Variants in TTC3 observed in about 807,000 individuals in gnomAD.
TTC3 encodes tetratricopeptide repeat domain 3.
Under a neutral mutation model 249.6 loss-of-function variants are expected in TTC3, and 180 were observed. The observed-to-expected ratio is 0.72, with a 90% CI of 0.64 to 0.82. The LOEUF (loss-of-function observed/expected upper bound fraction) is 0.82. Ranked by LOEUF, TTC3 falls within the 40% of genes least tolerant of loss-of-function variation. TTC3 has a pLI of 0.00. For missense variants in TTC3, 2,061 were observed against 2,398.4 expected, an observed-to-expected ratio of 0.86 and a Z score of 2.94; for synonymous variants, 717 against 805.0, an observed-to-expected ratio of 0.89 and a Z score of 1.85.
At chr21:37,165,475 A>G in intron 32 of TTC3, 75 bp from the exon 33 acceptor site, 1 of 1,139,590 alleles carries the variant, frequency 8.8e-7, no homozygotes, top group Non-Finnish European at 1.3e-6. Flanking sequence ...CTTTGGGAGA[A>G]TAAAAGTTTT....
intron 1 of TTC3, among the ~76,000 whole-genome samples, chr21:37,080,455 C>T (rs1476503721): frequency 6.6e-6 from 1 of 150,870 alleles, no homozygotes; most frequent in Admixed American, 6.6e-5. Context: ...AGTATATATT[C>T]TGTAATTGTT....
intron 35 of TTC3, among the ~76,000 whole-genome samples, chr21:37,182,021 A>C (rs1217026816): frequency 1.3e-5 from 2 of 152,196 alleles, no homozygotes; most frequent in Non-Finnish European, 2.9e-5. Flanking sequence ...AAACTAGAAA[A>C]TATTTGTTTC....
At chr21:37,160,135 G>A (rs908028418) in intron 29 of TTC3, among the ~76,000 whole-genome samples, 3 of 151,984 alleles carry the variant, frequency 2.0e-5, no homozygotes, top group African/African-American at 7.3e-5. Flanking sequence ...TCTAAATTAC[G>A]TTTAAGTTAA....
chr21:37,175,207 C>T lies in TTC3; in HGVS notation c.4617+2463C>T, dbSNP rs546072993. Among the ~76,000 whole-genome samples the T allele has an allele frequency of 5.6e-3, 787 of 139,678 alleles. 5 individuals carry two copies. The highest frequency in any genetic ancestry group is 9.8e-3 in the Non-Finnish European group (643 of 65,496). 91.6% of individuals were successfully genotyped at this position (139,678 alleles called of 152,430 possible). ...TGAACCCGGGAGGCGGAGCTTGCACCGAGCCGAGATCACGCCACTGCACTC... is the reference window on the plus strand; with the variant it reads ...TGAACCCGGGAGGCGGAGCTTGCACTGAGCCGAGATCACGCCACTGCACTC... On this transcript the variant is annotated intron_variant, in intron 35 of 45. Coordinates refer to ENST00000355666, the Ensembl canonical transcript of TTC3.
chr21:37,084,326 C>T (rs1034177523), intron 1 of TTC3: 3 of 152,098 alleles, frequency 2.0e-5, no homozygotes, highest in Non-Finnish European at 4.4e-5. Context: ...TGGTCCACAG[C>T]GTCAAGTAAG....
At chr21:37,142,498 A>G (rs1183711754) in intron 20 of TTC3, among the ~76,000 whole-genome samples, 1 of 152,224 alleles carries the variant, frequency 6.6e-6, no homozygotes. Context: ...ACTCCCATTC[A>G]CAGTTGCTTC....
chr21:37,126,158 T>C lies in TTC3; in HGVS notation c.1297+15T>C. On this transcript the variant is annotated intron_variant, in intron 15 of 45. Transcript: ENST00000355666. ...ACCACCATCAAGTGAGTATTGTTTT[T>C]ATATCAATTGTTGCCAAGTTAATAT... 4 of 1,609,386 alleles carry C rather than the reference T, an allele frequency of 2.5e-6. No individual in the cohort carries two copies. The South Asian group carries it at 4.5e-5, about 18-fold the overall frequency.
chr21:37,187,226 G>C, intron 38 of TTC3, 81 bp downstream of exon 38: 1 of 1,018,108 alleles, frequency 9.8e-7, no homozygotes, highest in Non-Finnish European at 1.4e-6. Context: ...AGGCATAACA[G>C]ACATTACTGA....
At chr21:37,192,491 T>TTGTGTGTGTGTGTGTGTGTGTGTGTGTG (rs60538841) in intron 41 of TTC3, among the ~76,000 whole-genome samples, 3 of 140,598 alleles carry the variant, frequency 2.1e-5, no homozygotes, top group African/African-American at 5.4e-5. Context: ...TCTTCTATCT[T>TTGTGTGTGTGTGTGTGTGTGTGTGTGTG]TGTGTGTGTG....
At chr21:37,130,825 C>G (rs999946611) in intron 16 of TTC3, among the ~76,000 whole-genome samples, 87 of 151,630 alleles carry the variant, frequency 5.7e-4, no homozygotes, top group Non-Finnish European at 1.1e-3. Context: ...ATAGATCAGA[C>G]AGTACTTCAA....
chr21:37,101,604 A>T (rs917890486), intron 10 of TTC3, among the ~76,000 whole-genome samples: 4 of 152,170 alleles, frequency 2.6e-5, no homozygotes, highest in Non-Finnish European at 5.9e-5. Context: ...TCATCTCTTC[A>T]GATCCTTGTG....
At chr21:37,093,451 C>A (rs1322907423) in intron 7 of TTC3, 1 of 151,404 alleles carries the variant, frequency 6.6e-6, no homozygotes, top group East Asian at 1.9e-4. Flanking sequence ...GGATACTCAC[C>A]CAGTATAATG....
chr21:37,132,612 C>T, intron 16 of TTC3, 70 bp from the exon 17 acceptor site: 9 of 1,236,416 alleles, frequency 7.3e-6, no homozygotes, highest in South Asian at 1.5e-5. Flanking sequence ...TGTGCCTGGC[C>T]CTATTTTTTC....
chr21:37,154,886 G>A (rs1420367537), intron 27 of TTC3, among the ~76,000 whole-genome samples: 1 of 152,024 alleles, frequency 6.6e-6, no homozygotes, highest in Non-Finnish European at 1.5e-5. Context: ...TAGTAGAGAC[G>A]GGGTTTCACC....
At chr21:37,199,974 TG>T (rs1226925161) in intron 44 of TTC3, among the ~76,000 whole-genome samples, 3 of 152,264 alleles carry the variant, frequency 2.0e-5, no homozygotes, top group Non-Finnish European at 4.4e-5. Context: ...AATCTTCACC[TG>T]GGGATCTTCT....
chr21:37,135,459 G>A (rs2147936193), exon 18 of TTC3: 1 of 1,614,006 alleles, frequency 6.2e-7, no homozygotes, highest in South Asian at 1.1e-5. Flanking sequence ...CGTTGCCGCA[G>A]CGCTGCACAG....
At chr21:37,192,401 C>T (rs2084261726) in intron 41 of TTC3, among the ~76,000 whole-genome samples, 188 bp downstream of exon 41, 1 of 151,842 alleles carries the variant, frequency 6.6e-6, no homozygotes, top group South Asian at 2.1e-4. Context: ...ATAGATCAGT[C>T]TTTCTACATC....
chr21:37,202,003 A>AT (rs1410194806), exon 46 of TTC3: 1 of 154,936 alleles, frequency 6.5e-6, no homozygotes, highest in East Asian at 1.9e-4. Context: ...GACTTTTTAA[A>AT]TTTTTTACAA....
At chr21:37,129,261 T>C (rs2077281112) in intron 16 of TTC3, among the ~76,000 whole-genome samples, 198 bp downstream of exon 16, 1 of 152,230 alleles carries the variant, frequency 6.6e-6, no homozygotes, top group Admixed American at 6.5e-5. Flanking sequence ...TGGATATTAA[T>C]ATATTGACTT....
Sources: allele counts gnomAD v4.1 joint callset (sites outside exome capture counted in the v4.1 genomes callset), GRCh38; gene constraint gnomAD v4.1.1; transcripts MANE v1.5; gene names NCBI Gene and HGNC (gene_info 2026-07-23, HGNC 2026-07-21).